The following ASIC2 variants were observed in gnomAD, a reference collection of about 807,000 sequenced individuals.
ASIC2 encodes the protein acid sensing ion channel subunit 2.
ASIC2 carries 25 observed loss-of-function variants against 57.3 expected under a neutral mutation model. That is an observed-to-expected ratio of 0.44 (90% CI 0.32 to 0.61). The LOEUF (loss-of-function observed/expected upper bound fraction) is 0.61, where lower values mean the gene tolerates loss of function less well. ASIC2 is among the 20% of genes least tolerant of loss of function. The probability of loss-of-function intolerance (pLI) is 0.06; values close to 1 mark genes in which losing one functional copy is unlikely to be tolerated. For missense variants in ASIC2, 641 were observed against 738.1 expected (o/e 0.87, Z 1.52); for synonymous variants, 319 against 307.5 (o/e 1.04, Z -0.39).
At chr17:33,034,104 G>T (rs775723471) in intron 3 of ASIC2, among the ~76,000 whole-genome samples, 1 of 151,934 alleles carries the variant, frequency 6.6e-6, no homozygotes, top group Non-Finnish European at 1.5e-5. Context: ...GCACTCGATG[G>T]GGTGAGCTGC....
At chr17:33,773,958 A>G (rs1285283216) in intron 1 of ASIC2, among the ~76,000 whole-genome samples, 1 of 152,042 alleles carries the variant, frequency 6.6e-6, no homozygotes, top group Non-Finnish European at 1.5e-5. Context: ...TTGAGCCACC[A>G]TGTCTTACCC....
intron 1 of ASIC2, among the ~76,000 whole-genome samples, chr17:33,187,554 AG>A (rs1906245296): frequency 6.6e-6 from 1 of 152,184 alleles, no homozygotes; most frequent in Admixed American, 6.6e-5. Flanking sequence ...TAAAATTCAC[AG>A]TCCAAAACCA....
intron 1 of ASIC2, among the ~76,000 whole-genome samples, chr17:33,653,241 G>A (rs1280423433): frequency 6.6e-6 from 1 of 152,190 alleles, no homozygotes; most frequent in East Asian, 1.9e-4. Context: ...CAAAGGGGCT[G>A]CCTTTAGATT....
intron 1 of ASIC2, among the ~76,000 whole-genome samples, chr17:33,431,995 A>T (rs1911436879): frequency 6.6e-6 from 1 of 152,254 alleles, no homozygotes; most frequent in Admixed American, 6.5e-5. Context: ...ATGGCAAATC[A>T]CAGGCAAGAA....
At chr17:33,920,640 A>G (rs1347093147) in intron 1 of ASIC2, among the ~76,000 whole-genome samples, 2 of 152,166 alleles carry the variant, frequency 1.3e-5, no homozygotes, top group East Asian at 1.9e-4. Context: ...GATCATTTGT[A>G]CCCCAGACTT....
chr17:33,827,337 C>CTTTTTTTTTTTTT lies in ASIC2; in HGVS notation c.555+328640_555+328641insAAAAAAAAAAAAA, dbSNP rs375695905. ...GGACTAGGTCCTGTTGCAGCTCACT[C>CTTTTTTTTTTTTT]TTTTTTTTTTTTGAGACAGAGTCTT... On this transcript the variant is annotated intron_variant, in intron 1 of 9. Transcript: ENST00000359872. 7.6e-4 allele frequency among the ~76,000 whole-genome samples: 58 copies of CTTTTTTTTTTTTT among 76,524 alleles called. 13 individuals are homozygous for CTTTTTTTTTTTTT. Among genetic ancestry groups the CTTTTTTTTTTTTT allele is most frequent in the African/African-American group, 1.6e-3 (32 of 20,134 alleles). 50.2% of individuals were successfully genotyped at this position (76,524 alleles called of 152,430 possible). A position where few individuals can be genotyped will look rare whatever the true frequency, so the allele number is the denominator to read the frequency against.
At chr17:33,853,732 T>C (rs1302809685) in intron 1 of ASIC2, among the ~76,000 whole-genome samples, 1 of 152,142 alleles carries the variant, frequency 6.6e-6, no homozygotes, top group Non-Finnish European at 1.5e-5. Context: ...TCACCCACAT[T>C]TGTATCCTGA....
At chr17:33,306,460 G>A (rs946008924) in intron 1 of ASIC2, among the ~76,000 whole-genome samples, 1 of 152,144 alleles carries the variant, frequency 6.6e-6, no homozygotes, top group Non-Finnish European at 1.5e-5. Context: ...TGGAACTGCA[G>A]TTTTACTCGT....
intron 1 of ASIC2, among the ~76,000 whole-genome samples, chr17:33,267,237 C>A (rs947081010): frequency 1.3e-5 from 2 of 152,128 alleles, no homozygotes; most frequent in Admixed American, 1.3e-4. Context: ...CCCCTTACCC[C>A]CCCCAGGAAG....
intron 1 of ASIC2, among the ~76,000 whole-genome samples, chr17:33,136,273 C>T (rs950137018): frequency 6.6e-6 from 1 of 152,212 alleles, no homozygotes; most frequent in African/African-American, 2.4e-5. Context: ...ACTGTGCTTG[C>T]CTCTGGTGTT....
At chr17:33,736,928 T>G (rs1909931808) in intron 1 of ASIC2, among the ~76,000 whole-genome samples, 1 of 152,270 alleles carries the variant, frequency 6.6e-6, no homozygotes, top group Non-Finnish European at 1.5e-5. Flanking sequence ...GTCTCTTTTT[T>G]TAACAGCTTT....
intron 1 of ASIC2, among the ~76,000 whole-genome samples, chr17:33,114,211 C>A (rs1413743554): frequency 1.3e-5 from 2 of 152,188 alleles, no homozygotes; most frequent in Non-Finnish European, 2.9e-5. Context: ...GGAATTAATG[C>A]AAAGTCCAAA....
At chr17:33,512,053 T>G (rs546471776) in intron 1 of ASIC2, among the ~76,000 whole-genome samples, 131 of 152,284 alleles carry the variant, frequency 8.6e-4, no homozygotes, top group Non-Finnish European at 1.4e-3. Flanking sequence ...GCGTCCTGTG[T>G]AAAAGGAGGA....
intron 1 of ASIC2, among the ~76,000 whole-genome samples, chr17:33,925,775 T>C (rs1160378381): frequency 6.6e-6 from 1 of 152,204 alleles, no homozygotes; most frequent in African/African-American, 2.4e-5. Context: ...CTTGTGCCCA[T>C]GGTATGGAGG....
At chr17:33,126,419 C>T (rs1040905432) in intron 1 of ASIC2, among the ~76,000 whole-genome samples, 1 of 152,150 alleles carries the variant, frequency 6.6e-6, no homozygotes, top group Admixed American at 6.5e-5. Context: ...TTTCATGTGT[C>T]GAATGGCCTG....
intron 1 of ASIC2, among the ~76,000 whole-genome samples, chr17:33,806,392 T>C (rs551817900): frequency 6.6e-6 from 1 of 152,346 alleles, no homozygotes; most frequent in South Asian, 2.1e-4. Flanking sequence ...TTTAAGAATG[T>C]AAAGGACATT....
Position 33,318,720 on chromosome 17 carries a change from C to T in ASIC2, c.556-206653G>A, listed in dbSNP as rs536829494. Reference sequence around the variant, plus strand: ...ATCCTGGAGGTGCCCTGTGGAGGGTCGTGTGTGTAAGGCACCCTGGGGATA... The same window carrying T: ...ATCCTGGAGGTGCCCTGTGGAGGGTTGTGTGTGTAAGGCACCCTGGGGATA... On this transcript the variant is annotated intron_variant, in intron 1 of 9. Coordinates refer to the ASIC2 transcript ENST00000359872. Among the ~76,000 whole-genome samples, 7 of 152,234 alleles carry T rather than the reference C, an allele frequency of 4.6e-5. No individual in the cohort carries two copies. The South Asian group carries it at 1.0e-3, about 23-fold the overall frequency.
At chr17:33,888,971 C>G (rs1007792025) in intron 1 of ASIC2, among the ~76,000 whole-genome samples, 29 of 152,134 alleles carry the variant, frequency 1.9e-4, no homozygotes, top group Non-Finnish European at 5.9e-5. Flanking sequence ...TCCTCCCTCC[C>G]CAGGCCTGGC....
rs561164726 is a variant in ASIC2 at position 33,168,722 on chromosome 17, T to A, written c.709-56655A>T. Among the ~76,000 whole-genome samples the A allele has an allele frequency of 5.8e-3, 886 of 152,276 alleles. 7 individuals carry two copies. Among genetic ancestry groups the A allele is most frequent in the African/African-American group, 0.02 (826 of 41,562 alleles). The stretch of plus-strand genomic sequence containing the variant: ...AGCATTCAGGCTGCTGTGTGGCTAC[T>A]TTTAACCACAAATAGTAAGACAAAA... On this transcript the variant is annotated intron_variant, in intron 1 of 9. Transcript: ENST00000225823.
Sources: allele counts gnomAD v4.1 joint callset (sites outside exome capture counted in the v4.1 genomes callset), GRCh38; gene constraint gnomAD v4.1.1; transcripts MANE v1.5; gene names NCBI Gene and HGNC (gene_info 2026-07-23, HGNC 2026-07-21).